The following AGBL1 variants were observed in gnomAD, a reference collection of about 807,000 sequenced individuals.
The protein encoded by AGBL1 is AGBL carboxypeptidase 1.
AGBL1 carries 130 observed loss-of-function variants against 118.9 expected under a neutral mutation model. The observed-to-expected ratio is 1.09, with a 90% CI of 0.95 to 1.26. The LOEUF is 1.26. Ranked by LOEUF, AGBL1 falls within the 50% of genes most tolerant of loss-of-function variation. AGBL1 has a pLI of 0.00. For missense variants in AGBL1, 1,584 were observed against 1,298.1 expected, an observed-to-expected ratio of 1.22 and a Z score of -3.38; for synonymous variants, 555 against 478.9, an observed-to-expected ratio of 1.16 and a Z score of -2.08.
At chr15:86,131,358 A>G (rs1377210926) in intron 1 of AGBL1, among the ~76,000 whole-genome samples, 6 of 152,188 alleles carry the variant, frequency 3.9e-5, no homozygotes, top group African/African-American at 9.7e-5. Flanking sequence ...TTTGTGGACA[A>G]GTTTTAAAAT....
intron 21 of AGBL1, among the ~76,000 whole-genome samples, chr15:86,556,559 T>C (rs1171603260): frequency 6.6e-6 from 1 of 152,110 alleles, no homozygotes; most frequent in African/African-American, 2.4e-5. Flanking sequence ...ATTTTACATA[T>C]GGGGGGGCCC....
At chr15:86,189,630 C>A (rs975099771) in intron 5 of AGBL1, among the ~76,000 whole-genome samples, 30 of 152,268 alleles carry the variant, frequency 2.0e-4, no homozygotes, top group African/African-American at 7.2e-4. Flanking sequence ...CTCTCTTTCT[C>A]TTGCTGCTTC....
In AGBL1 at chr15:86,156,613, C is replaced by A. The variant is rs78046016; in HGVS notation, c.394+2052C>A. 3.8e-3 allele frequency among the ~76,000 whole-genome samples: 585 copies of A among 152,216 alleles called. 5 individuals are homozygous for A. The highest frequency in any genetic ancestry group is 0.013 in the African/African-American group (556 of 41,540). The stretch of plus-strand genomic sequence containing the variant: ...AGAATGTTCATGGGCATGTTCGTCA[C>A]ATGGCAACTGCTTGATAATTGCTAG... On this transcript the variant is annotated intron_variant, in intron 4 of 22. Coordinates refer to ENST00000614907, the MANE Select transcript of AGBL1 (RefSeq NM_001386094.1).
At chr15:86,233,086 C>T (rs2078482498) in intron 6 of AGBL1, among the ~76,000 whole-genome samples, 1 of 152,146 alleles carries the variant, frequency 6.6e-6, no homozygotes, top group Non-Finnish European at 1.5e-5. Context: ...GTGACTTGCC[C>T]AAGATCCCAC....
intron 17 of AGBL1, among the ~76,000 whole-genome samples, chr15:86,337,804 G>A (rs958036654): frequency 6.6e-6 from 1 of 152,134 alleles, no homozygotes; most frequent in Non-Finnish European, 1.5e-5. Context: ...AATCACCATG[G>A]CACATGTTTA....
At chr15:86,230,735 GA>G (rs2078442293) in intron 6 of AGBL1, among the ~76,000 whole-genome samples, 2 of 152,134 alleles carry the variant, frequency 1.3e-5, no homozygotes, top group East Asian at 1.9e-4. Flanking sequence ...ATTTTTAATT[GA>G]AAAGTTAAAA....
At chr15:86,772,325 C>T (rs2141290650) in intron 22 of AGBL1, among the ~76,000 whole-genome samples, 1 of 152,154 alleles carries the variant, frequency 6.6e-6, no homozygotes, top group Admixed American at 6.6e-5. Flanking sequence ...CAAGCAGCAC[C>T]AGTATAAATA....
intron 18 of AGBL1, among the ~76,000 whole-genome samples, chr15:86,444,702 A>G (rs1204689929): frequency 6.6e-6 from 1 of 152,134 alleles, no homozygotes; most frequent in Non-Finnish European, 1.5e-5. Flanking sequence ...GCGTGCTGGG[A>G]GTCAGCACCA....
chr15:86,110,653 A>G (rs1180011928), intron 1 of AGBL1, among the ~76,000 whole-genome samples: 1 of 152,192 alleles, frequency 6.6e-6, no homozygotes, highest in Non-Finnish European at 1.5e-5. Context: ...CAGTTTGCTC[A>G]AGAACTAGCT....
At chr15:86,959,625 G>A (rs904634367) in intron 23 of AGBL1, among the ~76,000 whole-genome samples, 5 of 151,992 alleles carry the variant, frequency 3.3e-5, no homozygotes, top group African/African-American at 1.2e-4. Context: ...CCCTATTTCA[G>A]ATAACTGGTA....
chr15:86,230,888 C>T (rs993073138), intron 6 of AGBL1, among the ~76,000 whole-genome samples: 3 of 152,066 alleles, frequency 2.0e-5, no homozygotes, highest in East Asian at 1.9e-4. Flanking sequence ...AGCCCCAAGG[C>T]GGCCTCTGAG....
intron 22 of AGBL1, among the ~76,000 whole-genome samples, chr15:86,686,365 C>T (rs943264544): frequency 1.3e-5 from 2 of 151,858 alleles, no homozygotes; most frequent in Non-Finnish European, 2.9e-5. Context: ...AATTTGGTAT[C>T]CCCATCAGAA....
intron 6 of AGBL1, among the ~76,000 whole-genome samples, chr15:86,236,952 C>CGGGGGGGG (rs1398987301): frequency 1.9e-4 from 2 of 10,316 alleles, no homozygotes; most frequent in African/African-American, 9.6e-4. Context: ...CGGGGGGGGG[C>CGGGGGGGG]GGGGGGGCGC....
At chr15:86,401,097 T>C (rs2081438073) in intron 18 of AGBL1, among the ~76,000 whole-genome samples, 1 of 152,168 alleles carries the variant, frequency 6.6e-6, no homozygotes, top group South Asian at 2.1e-4. Context: ...AAGTGGTCTC[T>C]TTGCACATCT....
intron 24 of AGBL1, chr15:86,988,197 G>A: frequency 4.5e-6 from 6 of 1,347,852 alleles, no homozygotes; most frequent in Non-Finnish European, 5.0e-6. Context: ...TAAATGGGTG[G>A]GCCAACAACA....
At chr15:86,258,418 G>T (rs2078931770) in intron 9 of AGBL1, among the ~76,000 whole-genome samples, 1 of 152,130 alleles carries the variant, frequency 6.6e-6, no homozygotes. Flanking sequence ...TATCCTTTCT[G>T]CACAGGGGTG....
At chr15:86,445,880 G>A (rs574323532) in intron 18 of AGBL1, among the ~76,000 whole-genome samples, 4 of 152,226 alleles carry the variant, frequency 2.6e-5, no homozygotes, top group African/African-American at 9.6e-5. Flanking sequence ...AAAGTCGACA[G>A]TGACATATGG....
At chr15:86,111,046 G>T (rs1364474488) in intron 1 of AGBL1, among the ~76,000 whole-genome samples, 9 of 152,216 alleles carry the variant, frequency 5.9e-5, no homozygotes, top group Non-Finnish European at 1.3e-4. Flanking sequence ...CTGTCTGAAT[G>T]ACTTACCCAG....
At chr15:86,276,644 C>CA (rs1194824889) in intron 15 of AGBL1, among the ~76,000 whole-genome samples, 1 of 152,138 alleles carries the variant, frequency 6.6e-6, no homozygotes. Flanking sequence ...AGGGGGCTAT[C>CA]AGGGCAGGCT....
Sources: allele counts gnomAD v4.1 joint callset (sites outside exome capture counted in the v4.1 genomes callset), GRCh38; gene constraint gnomAD v4.1.1; transcripts MANE v1.5; gene names NCBI Gene and HGNC (gene_info 2026-07-23, HGNC 2026-07-21).